Variants in HEATR4 observed in about 807,000 individuals in gnomAD.
The protein encoded by HEATR4 is HEAT repeat-containing protein 4.
A neutral mutation model predicts 108.8 loss-of-function variants in HEATR4; 95 were observed. The ratio of observed to expected loss-of-function variants is 0.87; its 90% CI spans 0.74 to 1.04. The LOEUF (loss-of-function observed/expected upper bound fraction) is 1.04. Ranked by LOEUF, HEATR4 falls within the 50% of genes least tolerant of loss-of-function variation. HEATR4 has a pLI of 0.00. For synonymous variants in HEATR4, 443 were observed against 459.4 expected (o/e 0.96, Z 0.46); for missense variants, 1,152 against 1,253.8 (o/e 0.92, Z 1.23).
the HEATR4 span, chr14:73,631,884 C>A: frequency 6.3e-6 from 1 of 157,726 alleles, no homozygotes; most frequent in South Asian, 1.8e-4. Flanking sequence ...CTGTGGCTTT[C>A]ATGATGTTCA....
intron 11 of HEATR4, among the ~76,000 whole-genome samples, chr14:73,501,139 G>T (rs1886425957): frequency 6.6e-6 from 1 of 152,004 alleles, no homozygotes; most frequent in Admixed American, 6.6e-5. Context: ...ATTTTTTTGA[G>T]ATGGAGTCTC....
chr14:73,506,150 A>C (rs1595105281), intron 10 of HEATR4, among the ~76,000 whole-genome samples: 2 of 152,030 alleles, frequency 1.3e-5, no homozygotes, highest in South Asian at 4.1e-4. Context: ...TGGCCTCCCC[A>C]AGTGCTGGGA....
At chr14:73,606,847 C>G in the HEATR4 span, among the ~76,000 whole-genome samples, 1 of 152,210 alleles carries the variant, frequency 6.6e-6, no homozygotes, top group East Asian at 1.9e-4. Context: ...CTTCATTCAC[C>G]TTCCCAGAAG....
At chr14:73,579,768 A>G in the HEATR4 span, among the ~76,000 whole-genome samples, 1 of 151,784 alleles carries the variant, frequency 6.6e-6, no homozygotes, top group Admixed American at 6.6e-5. Context: ...ACCCACGTCC[A>G]ATGGGCATGG....
intron 17 of HEATR4, among the ~76,000 whole-genome samples, chr14:73,490,088 C>T (rs1232381367): frequency 6.6e-6 from 1 of 152,194 alleles, no homozygotes; most frequent in African/African-American, 2.4e-5. Flanking sequence ...AGTCAAGTAG[C>T]CATTTCTCCT....
chr14:73,594,989 G>A, the HEATR4 span: 3 of 1,585,000 alleles, frequency 1.9e-6, no homozygotes, highest in Admixed American at 3.4e-5. Context: ...ACAGGCATGA[G>A]CCACCGCACC....
At chr14:73,617,170 A>T in the HEATR4 span, 6 of 1,614,066 alleles carry the variant, frequency 3.7e-6, no homozygotes, top group African/African-American at 8.0e-5. Context: ...GAAGCCGTGG[A>T]CTTTATGCTG....
At chr14:73,594,673 G>GTTAT in the HEATR4 span, among the ~76,000 whole-genome samples, 51,708 of 147,104 alleles carry the variant, frequency 0.35, 9,562 homozygotes, top group African/African-American at 0.46. Flanking sequence ...CATTGGATAA[G>GTTAT]TTATTTATTT....
the HEATR4 span, among the ~76,000 whole-genome samples, chr14:73,612,070 T>G: frequency 6.6e-6 from 1 of 152,048 alleles, no homozygotes. Flanking sequence ...AGACGGAGTT[T>G]TGCCCTTGTT....
chr14:73,512,357 C>G (rs866178062), intron 6 of HEATR4, among the ~76,000 whole-genome samples: 143 of 152,196 alleles, frequency 9.4e-4, no homozygotes, highest in African/African-American at 3.4e-3. Context: ...CCAGACAAAA[C>G]TTCTCCCAAC....
chr14:73,486,382 G>A (rs935984441), intron 17 of HEATR4, among the ~76,000 whole-genome samples: 4 of 152,100 alleles, frequency 2.6e-5, no homozygotes, highest in African/African-American at 9.7e-5. Context: ...AACAACTCAT[G>A]CTATCCTTCC....
the HEATR4 span, among the ~76,000 whole-genome samples, chr14:73,601,786 A>G: frequency 6.6e-6 from 1 of 152,224 alleles, no homozygotes; most frequent in Non-Finnish European, 1.5e-5. Context: ...ATTTAGGTGC[A>G]TAGCACTGAT....
intron 11 of HEATR4, among the ~76,000 whole-genome samples, chr14:73,502,353 G>T (rs1595098917): frequency 6.6e-6 from 1 of 152,072 alleles, no homozygotes; most frequent in East Asian, 1.9e-4. Context: ...TTTGCATGTG[G>T]TCATCAGAAT....
rs182525401 is a variant in HEATR4 at position 73,526,802 on chromosome 14, T to C, written c.-73+3364A>G. On this transcript the variant is annotated intron_variant, in intron 2 of 17. Coordinates refer to ENST00000553558, the MANE Select transcript of HEATR4 (RefSeq NM_001220484.1). ...AATATCAGTGGTAGCTAAGCAGTTC[T>C]GGCCACAGGCCTTGGGCAGGATCCA... Among the ~76,000 whole-genome samples the C allele has an allele frequency of 5.3e-5, 8 of 152,356 alleles. No homozygotes were observed. The East Asian group carries it at 1.5e-3, about 29-fold the overall frequency.
chr14:73,500,488 A>C, intron 12 of HEATR4, 62 bp downstream of exon 12: 1 of 1,507,718 alleles, frequency 6.6e-7, no homozygotes, highest in Non-Finnish European at 9.1e-7. Context: ...GTGCACAACC[A>C]GGGAAGGTAA....
Position 73,532,144 on chromosome 14 carries a change from C to T in HEATR4, c.-151-1900G>A, listed in dbSNP as rs200828647. On this transcript the variant is annotated intron_variant, in intron 1 of 17. Coordinates refer to ENST00000553558, the MANE Select transcript of HEATR4 (RefSeq NM_001220484.1). ...AAGCAGGGAACACATGACCACATAG[C>T]TCTGGCAGGCGTCAGATTACCAGGC... Among the ~76,000 whole-genome samples, 16 of 116,240 alleles carry T rather than the reference C, an allele frequency of 1.4e-4. 5 individuals are homozygous for T. In the South Asian group the frequency reaches 3.0e-3, roughly 22 times the overall value. 76.3% of individuals were successfully genotyped at this position (116,240 alleles called of 152,430 possible). A position where few individuals can be genotyped will look rare whatever the true frequency, so the allele number is the denominator to read the frequency against.
At position 73,492,592 on chromosome 14, in the gene HEATR4, G is replaced by C. The variant is rs766012728; in HGVS notation, c.2844+474C>G. The C allele has an allele frequency of 2.1e-5, 34 of 1,613,836 alleles. No individual in the cohort carries two copies. The highest frequency in any genetic ancestry group is 2.8e-5 in the Non-Finnish European group (33 of 1,179,870). ...GGGAGAGGGCACTAAGTGTTTACGG[G>C]CTTCCAATTCGCTGGGAGGCTGGAG... On this transcript the variant is annotated intron_variant, in intron 17 of 17. Coordinates refer to ENST00000553558, the MANE Select transcript of HEATR4 (RefSeq NM_001220484.1). The surrounding 1 kb of genome is among the most constrained non-coding windows in gnomAD (Gnocchi z 4.9).
At chr14:73,628,753 C>CAA in the HEATR4 span, among the ~76,000 whole-genome samples, 1,880 of 126,506 alleles carry the variant, frequency 0.015, 44 homozygotes, top group African/African-American at 0.053. Flanking sequence ...AACTCCATCT[C>CAA]AAAAAAAAAA....
the HEATR4 span, chr14:73,592,108 C>T: frequency 1.3e-6 from 2 of 1,506,160 alleles, no homozygotes; most frequent in African/African-American, 1.5e-5. Flanking sequence ...CGGGCCCACG[C>T]GCGCTACTGC....
Sources: allele counts gnomAD v4.1 joint callset (sites outside exome capture counted in the v4.1 genomes callset), GRCh38; gene constraint gnomAD v4.1.1; non-coding constraint Gnocchi (gnomAD v3.1); transcripts MANE v1.5; gene names NCBI Gene and HGNC (gene_info 2026-07-23, HGNC 2026-07-21).